Variants in HIPK1 observed in about 807,000 individuals in gnomAD.
HIPK1 encodes homeodomain interacting protein kinase 1.
Under a neutral mutation model 117.1 loss-of-function variants are expected in HIPK1, and 28 were observed. The observed-to-expected ratio is 0.24, with a 90% CI of 0.18 to 0.33. The LOEUF is 0.33. Among genes scored for constraint, HIPK1 ranks in the 10% least tolerant of loss-of-function variants. HIPK1 has a pLI of 1.00. For missense variants in HIPK1, 1,122 were observed against 1,475.1 expected, an observed-to-expected ratio of 0.76 and a Z score of 3.92; for synonymous variants, 605 against 562.5, an observed-to-expected ratio of 1.08 and a Z score of -1.07.
chr1:113,968,613 T>C lies in HIPK1; in HGVS notation c.2736T>C (p.Thr912=). 6.2e-7 allele frequency: 1 copy of C among 1,614,046 alleles called. No individual in the cohort carries two copies. Among genetic ancestry groups the C allele is most frequent in the African/African-American group, 1.3e-5 (1 of 75,038 alleles). Residue 912 remains threonine, a synonymous_variant, in exon 13 of 16, where the codon ACT becomes ACC. Coordinates refer to ENST00000426820, the MANE Select transcript of HIPK1 (RefSeq NM_198268.3). Reference sequence around the variant, plus strand: ...GTGTCATCACTATCCGAAGTGACACTGATGAGGAAGAGGACAACAAATACA... The same window carrying C: ...GTGTCATCACTATCCGAAGTGACACCGATGAGGAAGAGGACAACAAATACA... The part of the protein sequence containing the change: ...PVSVITIRSD[T]DEEEDNKYKP...
At chr1:113,953,897 T>G (rs1671532463) in intron 3 of HIPK1, 1 of 152,150 alleles carries the variant, frequency 6.6e-6, no homozygotes, top group Non-Finnish European at 1.5e-5. Context: ...ACATCACCAG[T>G]GTATCCTCAG....
At chr1:113,971,780 T>C (rs1447161138) in intron 14 of HIPK1, 44 bp from the exon 15 acceptor site, 1 of 1,568,970 alleles carries the variant, frequency 6.4e-7, no homozygotes, top group African/African-American at 1.4e-5. Flanking sequence ...TGAGGTTAGC[T>C]CAGTGATGTC....
chr1:113,963,976 T>C (rs532764042), intron 10 of HIPK1, among the ~76,000 whole-genome samples: 52 of 152,340 alleles, frequency 3.4e-4, no homozygotes, highest in Middle Eastern at 3.4e-3. Context: ...GATAGCTTTC[T>C]CCTTTTTTTG....
Position 113,958,187 on chromosome 1 carries a change from G to A in HIPK1, c.1877G>A (p.Gly626Glu). The change falls in exon 8 of 16, where the codon GGA (glycine) becomes GAA (glutamate). Residue 626 changes from glycine (G) to glutamate (E), a missense_variant. Gly to Glu is a moderately conservative substitution (Grantham distance 98, BLOSUM62 -2). Coordinates refer to ENST00000426820, the MANE Select transcript of HIPK1 (RefSeq NM_198268.3). ...CCATCATCTGCTGCACCAGTTCCTG[G>A]AGTTGCCCAGCAGGGTGTTTCCTTG... Reference protein sequence around the residue: ...LYPSSAAPVPGVAQQGVSLQP... With the variant: ...LYPSSAAPVPEVAQQGVSLQP... 1 of 1,614,098 alleles carries A rather than the reference G, an allele frequency of 6.2e-7. No homozygotes were observed. The highest frequency in any genetic ancestry group is 8.5e-7 in the Non-Finnish European group (1 of 1,180,012).
At position 113,970,086 on chromosome 1, in the gene HIPK1, G is replaced by A. The variant is rs769282062; in HGVS notation, c.2902G>A (p.Val968Ile). 1.4e-5 allele frequency: 23 copies of A among 1,614,132 alleles called. No homozygotes were observed. Among genetic ancestry groups the A allele is most frequent in the Non-Finnish European group, 1.4e-5 (17 of 1,180,024 alleles). Residue 968 changes from valine (V) to isoleucine (I), a missense_variant, in exon 14 of 16, where the codon GTT becomes ATT. Transcript: ENST00000426820. Reference sequence around the variant, plus strand: ...TGCTCTCCGAGGCAATAGTGGATCCGTTTTGGAGGGGCCTGGCAGAGTTGT... The same window carrying A: ...TGCTCTCCGAGGCAATAGTGGATCCATTTTGGAGGGGCCTGGCAGAGTTGT... Reference protein sequence around the residue: ...LSALRGNSGSVLEGPGRVVAD... With the variant: ...LSALRGNSGSILEGPGRVVAD...
intron 14 of HIPK1, among the ~76,000 whole-genome samples, chr1:113,971,602 T>C (rs1672827083): frequency 6.6e-6 from 1 of 152,182 alleles, no homozygotes; most frequent in Non-Finnish European, 1.5e-5. Context: ...AGTTAAAATA[T>C]TTATAATATT....
At chr1:113,947,299 T>A (rs1671047042) in intron 2 of HIPK1, among the ~76,000 whole-genome samples, 1 of 152,190 alleles carries the variant, frequency 6.6e-6, no homozygotes, top group African/African-American at 2.4e-5. Context: ...TTTGCCATGC[T>A]TACAGGCTGA....
In HIPK1 at chr1:113,976,294, T is replaced by C. The variant is rs1367542991; in HGVS notation, c.*2782T>C. The C allele has an allele frequency of 6.6e-6, 1 of 152,410 alleles. No homozygotes were observed. The highest frequency in any genetic ancestry group is 1.9e-4 in the East Asian group (1 of 5,340). The allele number at this position is 152,410 out of a possible 1,614,324, so 9.4% of individuals were successfully genotyped here. ...CTGTCACTAGTGTCATACAGTTTTCTGGTCAACATGTGTGATCTTTGTGTC... is the reference window on the plus strand; with the variant it reads ...CTGTCACTAGTGTCATACAGTTTTCCGGTCAACATGTGTGATCTTTGTGTC... On this transcript the variant is annotated 3_prime_UTR_variant, in exon 16 of 16. Transcript: ENST00000426820.
In HIPK1 at chr1:113,963,378, A is replaced by G. The variant is rs1189460749; in HGVS notation, c.2104-9A>G. 7 of 1,612,790 alleles carry G rather than the reference A, an allele frequency of 4.3e-6. No homozygotes were observed. On this transcript the variant is annotated splice_polypyrimidine_tract_variant and intron_variant, in intron 9 of 15. Transcript: ENST00000426820. ...TTTGTTTCACTCACCTGCCTAATCT[A>G]CGTTTCAGGGAAGCTGTACACCACT...
intron 1 of HIPK1, among the ~76,000 whole-genome samples, chr1:113,931,055 G>A (rs1669858892): frequency 6.6e-6 from 1 of 152,128 alleles, no homozygotes; most frequent in African/African-American, 2.4e-5. Context: ...GAAAACAGCA[G>A]TGTGGCTTCC....
At position 113,973,473 on chromosome 1, in the gene HIPK1, G is replaced by T; in HGVS notation, c.3594G>T (p.Pro1198=). The T allele has an allele frequency of 1.2e-6, 2 of 1,608,836 alleles. No homozygotes were observed. Among genetic ancestry groups the T allele is most frequent in the Non-Finnish European group, 1.7e-6 (2 of 1,176,852 alleles). The change falls in exon 16 of 16, where the codon CCG becomes CCT. Residue 1198 remains proline, a synonymous_variant. Coordinates refer to ENST00000426820, the MANE Select transcript of HIPK1 (RefSeq NM_198268.3). ...GCTCAACAATTTACACTGGATACCC[G>T]CTGAGTCCTACCAAGATCAGCCAGT... ...SRGSTIYTGY[P]LSPTKISQYS...
intron 12 of HIPK1, 102 bp from the exon 13 acceptor site, chr1:113,968,340 A>G: frequency 1.2e-6 from 1 of 841,098 alleles, no homozygotes; most frequent in Non-Finnish European, 2.0e-6. Context: ...ATGATTATGT[A>G]AAAAGGAATC....
At chr1:113,972,804 C>A (rs983147553) in intron 15 of HIPK1, among the ~76,000 whole-genome samples, 4 of 152,162 alleles carry the variant, frequency 2.6e-5, no homozygotes, top group African/African-American at 9.7e-5. Flanking sequence ...GTCATACTTA[C>A]AAGCAAAATG....
intron 5 of HIPK1, among the ~76,000 whole-genome samples, chr1:113,956,067 A>ATTTTTTT (rs755763487): frequency 3.3e-5 from 3 of 91,822 alleles, no homozygotes; most frequent in Admixed American, 1.3e-4. Context: ...TACTTGTTCC[A>ATTTTTTT]TTTTTTTTTT....
chr1:113,933,355 T>C (rs909095960), intron 1 of HIPK1: 2 of 197,660 alleles, frequency 1.0e-5, no homozygotes, highest in Non-Finnish European at 1.8e-5. Context: ...AGAGACTTGG[T>C]AGTATTGGAA....
intron 14 of HIPK1, 84 bp downstream of exon 14, chr1:113,970,281 G>A: frequency 7.0e-7 from 1 of 1,419,260 alleles, no homozygotes; most frequent in Non-Finnish European, 9.9e-7. Flanking sequence ...ACTTATATCA[G>A]TGGTAGAGAC....
intron 2 of HIPK1, among the ~76,000 whole-genome samples, chr1:113,952,345 C>CT (rs1226355721): frequency 6.6e-6 from 1 of 151,942 alleles, no homozygotes; most frequent in African/African-American, 2.4e-5. Context: ...ATTCAGAAAG[C>CT]TCTCATAAAT....
intron 10 of HIPK1, among the ~76,000 whole-genome samples, chr1:113,965,058 T>G (rs1478465018): frequency 1.3e-5 from 2 of 152,390 alleles, no homozygotes; most frequent in Non-Finnish European, 2.9e-5. Context: ...TGTTTTAAAT[T>G]CTGCTTATGG....
At chr1:113,958,837 G>C (rs531356649) in intron 8 of HIPK1, among the ~76,000 whole-genome samples, 3 of 152,140 alleles carry the variant, frequency 2.0e-5, no homozygotes, top group Non-Finnish European at 4.4e-5. Context: ...TGTGGGGCAG[G>C]CATTAAGATT....
Sources: allele counts gnomAD v4.1 joint callset (sites outside exome capture counted in the v4.1 genomes callset), GRCh38; gene constraint gnomAD v4.1.1; transcripts MANE v1.5; gene names NCBI Gene and HGNC (gene_info 2026-07-23, HGNC 2026-07-21).